The following MKLN1 variants were observed in gnomAD, a reference collection of about 807,000 sequenced individuals.
MKLN1 encodes the protein muskelin.
MKLN1 carries 18 observed loss-of-function variants against 99.0 expected under a neutral mutation model. The ratio of observed to expected loss-of-function variants is 0.18; its 90% CI spans 0.13 to 0.27. The LOEUF (loss-of-function observed/expected upper bound fraction) is 0.27, where lower values mean the gene tolerates loss of function less well. MKLN1 is among the 10% of genes least tolerant of loss of function. The pLI, the probability that MKLN1 is intolerant of heterozygous loss-of-function variation, is 1.00. For synonymous variants in MKLN1, 288 were observed against 293.2 expected (o/e 0.98, Z 0.18); for missense variants, 621 against 875.9 (o/e 0.71, Z 3.67).
chr7:131,125,232 T>C (rs1795435199), intron 1 of MKLN1, among the ~76,000 whole-genome samples: 1 of 152,226 alleles, frequency 6.6e-6, no homozygotes. Context: ...TGCTGAAAAG[T>C]GATCGTCAAA....
intron 1 of MKLN1, 43 bp downstream of exon 1, chr7:131,328,040 G>A (rs752667375): frequency 6.2e-7 from 1 of 1,601,528 alleles, no homozygotes; most frequent in South Asian, 1.1e-5. Context: ...ACCCTTCCGC[G>A]TCAGCACGGT....
At chr7:131,251,089 C>T (rs1339084859) in intron 3 of MKLN1, among the ~76,000 whole-genome samples, 2 of 125,312 alleles carry the variant, frequency 1.6e-5, no homozygotes, top group South Asian at 5.3e-4. Context: ...GCAATGGGGC[C>T]CAGATGTGTG....
intron 2 of MKLN1, among the ~76,000 whole-genome samples, chr7:131,149,069 T>C (rs1795853664): frequency 6.6e-6 from 1 of 152,148 alleles, no homozygotes; most frequent in Non-Finnish European, 1.5e-5. Flanking sequence ...AGGTCAGTGT[T>C]GTTTGGTATT....
intron 3 of MKLN1, among the ~76,000 whole-genome samples, chr7:131,256,871 G>T (rs1797665356): frequency 6.6e-6 from 1 of 152,124 alleles, no homozygotes; most frequent in Non-Finnish European, 1.5e-5. Flanking sequence ...AACTCCTTAG[G>T]CGATGGGATC....
At chr7:131,352,148 C>G (rs150853845) in intron 1 of MKLN1, among the ~76,000 whole-genome samples, 79 of 152,182 alleles carry the variant, frequency 5.2e-4, no homozygotes, top group Non-Finnish European at 9.7e-4. Context: ...GAACATTAGT[C>G]TCTTTATTCA....
At chr7:131,365,756 G>A (rs190570320) in intron 1 of MKLN1, among the ~76,000 whole-genome samples, 12 of 152,130 alleles carry the variant, frequency 7.9e-5, no homozygotes, top group Admixed American at 2.0e-4. Context: ...ATGATCGTAG[G>A]TATGTGGCCT....
intron 12 of MKLN1, among the ~76,000 whole-genome samples, chr7:131,450,479 G>C (rs1022766116): frequency 2.0e-5 from 3 of 151,962 alleles, no homozygotes; most frequent in African/African-American, 7.3e-5. Flanking sequence ...TCTTTTAATG[G>C]TTTCTCCCTG....
rs929495140 is a variant in MKLN1 at position 131,339,440 on chromosome 7, C to T, written c.98+11443C>T. On this transcript the variant is annotated intron_variant, in intron 1 of 17. Transcript: ENST00000352689. Reference sequence around the variant, plus strand: ...TGAGAGTTGGTCGGGTGCACTGGCTCGTGCCTGTAATCCCAGCACTTTGGG... The same window carrying T: ...TGAGAGTTGGTCGGGTGCACTGGCTTGTGCCTGTAATCCCAGCACTTTGGG... 4.6e-5 allele frequency among the ~76,000 whole-genome samples: 7 copies of T among 152,144 alleles called. No individual in the cohort carries two copies. The East Asian group carries it at 5.8e-4, about 13-fold the overall frequency.
intron 3 of MKLN1, among the ~76,000 whole-genome samples, chr7:131,268,844 T>C (rs1283415323): frequency 2.0e-5 from 3 of 152,302 alleles, no homozygotes; most frequent in African/African-American, 7.2e-5. Flanking sequence ...GGAAAATAAA[T>C]ATGCTAACTT....
chr7:131,417,764 G>A (rs1030185827), intron 8 of MKLN1, among the ~76,000 whole-genome samples: 5 of 152,072 alleles, frequency 3.3e-5, no homozygotes, highest in Admixed American at 1.3e-4. Flanking sequence ...GTGATGATTC[G>A]TTTTAAATTT....
At chr7:131,431,153 C>A (rs137891177) in intron 9 of MKLN1, among the ~76,000 whole-genome samples, 9 of 151,452 alleles carry the variant, frequency 5.9e-5, no homozygotes, top group Non-Finnish European at 1.2e-4. Flanking sequence ...ACCCAGGAGG[C>A]GGAGGTTGCA....
chr7:131,242,856 A>T, intron 3 of MKLN1: 1 of 663,464 alleles, frequency 1.5e-6, no homozygotes, highest in Non-Finnish European at 2.9e-6. Flanking sequence ...CTCTGTGGAT[A>T]TCCCCTTGGA....
chr7:131,294,308 G>T (rs972040049), intron 3 of MKLN1, among the ~76,000 whole-genome samples: 1 of 152,148 alleles, frequency 6.6e-6, no homozygotes, highest in Non-Finnish European at 1.5e-5. Flanking sequence ...TAACTGTAAA[G>T]TATTCAACTT....
intron 1 of MKLN1, among the ~76,000 whole-genome samples, chr7:131,345,706 T>A (rs1799539888): frequency 6.6e-6 from 1 of 152,002 alleles, no homozygotes; most frequent in Non-Finnish European, 1.5e-5. Flanking sequence ...GGAACGAGAC[T>A]GTGTCTCAAA....
At chr7:131,123,803 T>C (rs767534726) in intron 1 of MKLN1, among the ~76,000 whole-genome samples, 1 of 135,232 alleles carries the variant, frequency 7.4e-6, no homozygotes, top group South Asian at 2.5e-4. Flanking sequence ...AAAAAAAAAA[T>C]CTACTTCTTA....
intron 3 of MKLN1, among the ~76,000 whole-genome samples, chr7:131,318,076 T>G (rs887740417): frequency 2.6e-5 from 4 of 152,086 alleles, no homozygotes; most frequent in African/African-American, 9.7e-5. Context: ...ACAAAGATAT[T>G]CAGGACTTGT....
intron 1 of MKLN1, among the ~76,000 whole-genome samples, chr7:131,120,788 C>A (rs1795355948): frequency 6.6e-6 from 1 of 152,204 alleles, no homozygotes; most frequent in South Asian, 2.1e-4. Context: ...TTGGTCACAA[C>A]CATTCAACAA....
intron 15 of MKLN1, among the ~76,000 whole-genome samples, chr7:131,469,083 C>T (rs537403360): frequency 6.2e-4 from 95 of 152,168 alleles, no homozygotes; most frequent in African/African-American, 2.1e-3. Context: ...TCTGCTTGTC[C>T]TGTCCTACTG....
intron 2 of MKLN1, among the ~76,000 whole-genome samples, chr7:131,157,876 C>T (rs1047134001): frequency 2.0e-5 from 3 of 152,114 alleles, no homozygotes; most frequent in African/African-American, 4.8e-5. Flanking sequence ...AGTCTAGTCT[C>T]GTATTTGGCA....
Sources: allele counts gnomAD v4.1 joint callset (sites outside exome capture counted in the v4.1 genomes callset), GRCh38; gene constraint gnomAD v4.1.1; transcripts MANE v1.5; gene names NCBI Gene and HGNC (gene_info 2026-07-23, HGNC 2026-07-21).